The following CPNE1 variants were observed in gnomAD, a reference collection of about 807,000 sequenced individuals.
CPNE1 encodes the protein copine-1.
CPNE1 carries 58 observed loss-of-function variants against 63.2 expected under a neutral mutation model. That is an observed-to-expected ratio of 0.92 (90% confidence interval 0.74 to 1.14). CPNE1 has a LOEUF of 1.14. CPNE1 is among the 50% of genes most tolerant of loss of function. CPNE1 has a pLI of 0.00. For synonymous variants in CPNE1, 237 were observed against 249.0 expected (o/e 0.95, Z 0.45); for missense variants, 672 against 661.7 (o/e 1.02, Z -0.17).
Position 35,630,943 on chromosome 20 carries a change from A to C in CPNE1, c.953T>G (p.Met318Arg), listed in dbSNP as rs774335949. 6.2e-7 allele frequency: 1 copy of C among 1,613,780 alleles called. No homozygotes were observed. The highest frequency in any genetic ancestry group is 1.1e-5 in the South Asian group (1 of 91,056). Residue 318 changes from methionine (M) to arginine (R), a missense_variant, in exon 11 of 16, where the codon ATG becomes AGG. Physicochemically the swap from Met to Arg is moderately conservative, Grantham distance 91. Coordinates refer to ENST00000397443, the MANE Select transcript of CPNE1 (RefSeq NM_152925.3). ...CACGCTGCCCACACTCCACAGTGCC[A>C]TCAGGTACTCATTGACCCCTGTTGG... ...LSPTGVNEYLMALWSVGSVVQ... is the reference protein window; with the variant it reads ...LSPTGVNEYLRALWSVGSVVQ...
chr20:35,638,626 C>T (rs910744697), intron 1 of CPNE1, among the ~76,000 whole-genome samples: 4 of 152,142 alleles, frequency 2.6e-5, no homozygotes, highest in Admixed American at 2.0e-4. Context: ...AGCCCAAGAG[C>T]GATTCCACTC....
chr20:35,652,818 AGGGCCGGGGCCGGGGCCG>A, intron 1 of CPNE1: 1 of 1,602,570 alleles, frequency 6.2e-7, no homozygotes, highest in Non-Finnish European at 8.5e-7. Flanking sequence ...GGATTGGGCC[AGGGCCGGGGCCGGGGCCG>A]GGGCCAGGCC....
chr20:35,634,088 T>C (rs1437104223), intron 1 of CPNE1, among the ~76,000 whole-genome samples: 9 of 150,966 alleles, frequency 6.0e-5, no homozygotes, highest in African/African-American at 2.0e-4. Flanking sequence ...GGTGAGACCC[T>C]GTCTCTACTA....
chr20:35,633,903 G>GCACTTGGCTCACT (rs377134519), intron 1 of CPNE1, among the ~76,000 whole-genome samples: 3 of 147,626 alleles, frequency 2.0e-5, no homozygotes, highest in African/African-American at 7.6e-5. Context: ...AGGTTGCAGT[G>GCACTTGGCTCACT]AGCCGAGACT....
chr20:35,654,563 G>A lies in CPNE1; in HGVS notation c.-1+10197C>T, dbSNP rs1156865880. 44 of 1,614,200 alleles carry A rather than the reference G, an allele frequency of 2.7e-5. No homozygotes were observed. The highest frequency in any genetic ancestry group is 3.5e-5 in the Non-Finnish European group (41 of 1,180,042). On this transcript the variant is annotated intron_variant, in intron 1 of 15. Coordinates refer to ENST00000397443, the MANE Select transcript of CPNE1 (RefSeq NM_152925.3). Reference sequence around the variant, plus strand: ...GAGCCATTCATTCCAGCAGGTAGAGGTGCCACAGGTGGCGGATTCAAGGGC... The same window carrying A: ...GAGCCATTCATTCCAGCAGGTAGAGATGCCACAGGTGGCGGATTCAAGGGC...
chr20:35,652,447 G>A (rs2033586989), intron 1 of CPNE1: 2 of 1,483,250 alleles, frequency 1.3e-6, no homozygotes, highest in Admixed American at 2.2e-5. Flanking sequence ...TTCTAACCTG[G>A]AAATACTAGG....
chr20:35,632,096 C>G, intron 5 of CPNE1, 67 bp downstream of exon 5: 1 of 1,600,018 alleles, frequency 6.2e-7, no homozygotes, highest in Non-Finnish European at 8.6e-7. Context: ...TGTCCACACC[C>G]CCATCCCCCA....
intron 1 of CPNE1, among the ~76,000 whole-genome samples, chr20:35,642,938 T>C (rs2032892891): frequency 6.6e-6 from 1 of 152,206 alleles, no homozygotes; most frequent in Admixed American, 6.5e-5. Flanking sequence ...CACAAGGTTT[T>C]CCACTTTACT....
intron 1 of CPNE1, among the ~76,000 whole-genome samples, chr20:35,642,425 T>C (rs1240429683): frequency 6.6e-6 from 1 of 152,174 alleles, no homozygotes; most frequent in Non-Finnish European, 1.5e-5. Flanking sequence ...TCCTATTGCC[T>C]ACCTTGGCAT....
At chr20:35,646,212 A>G (rs1297403187) in intron 1 of CPNE1, among the ~76,000 whole-genome samples, 1 of 140,224 alleles carries the variant, frequency 7.1e-6, no homozygotes, top group Non-Finnish European at 1.5e-5. Flanking sequence ...AGCTGACTGT[A>G]CCACTGCACT....
chr20:35,654,089 T>G (rs746008379), intron 1 of CPNE1: 1 of 1,614,250 alleles, frequency 6.2e-7, no homozygotes, highest in Non-Finnish European at 8.5e-7. Flanking sequence ...CTGGGCGATT[T>G]TGACCTGGGA....
intron 1 of CPNE1, among the ~76,000 whole-genome samples, chr20:35,637,642 ATTAG>A (rs2032563237): frequency 6.6e-6 from 1 of 152,312 alleles, no homozygotes; most frequent in East Asian, 1.9e-4. Flanking sequence ...ATGTTTCCTC[ATTAG>A]TGTTTCTGCG....
intron 1 of CPNE1, among the ~76,000 whole-genome samples, chr20:35,635,509 T>G (rs1345490663): frequency 2.0e-5 from 3 of 152,110 alleles, no homozygotes; most frequent in Non-Finnish European, 4.4e-5. Flanking sequence ...ACCCCTTCCC[T>G]CTGCTGGGAA....
chr20:35,627,836 T>C (rs1423571807), intron 13 of CPNE1, among the ~76,000 whole-genome samples: 1 of 152,074 alleles, frequency 6.6e-6, no homozygotes, highest in African/African-American at 2.4e-5. Context: ...GCAAGGATCA[T>C]CAATGGATGT....
intron 1 of CPNE1, among the ~76,000 whole-genome samples, chr20:35,635,840 T>C (rs2032457679): frequency 6.6e-6 from 1 of 152,184 alleles, no homozygotes; most frequent in Non-Finnish European, 1.5e-5. Context: ...AATGCTGTTA[T>C]CAAAGTTGGA....
intron 1 of CPNE1, among the ~76,000 whole-genome samples, chr20:35,633,651 T>A (rs1022287219): frequency 1.3e-5 from 2 of 152,152 alleles, no homozygotes; most frequent in African/African-American, 4.8e-5. Flanking sequence ...ATCAGGGCGA[T>A]CCTATTAAAA....
In CPNE1 at chr20:35,631,550, C is replaced by A. The variant is rs1158337749; in HGVS notation, c.656G>T (p.Gly219Val). 6.2e-7 allele frequency: 1 copy of A among 1,614,002 alleles called. No homozygotes were observed. The highest frequency in any genetic ancestry group is 1.3e-5 in the African/African-American group (1 of 74,994). ...GAAGGTACCGATGAGATCATGTGAC[C>A]CGTCACTGTCATAATCGGAGCATTG... ...QVQCSDYDSD[G>V]SHDLIGTFHT... is the part of the protein sequence containing the mutation. The change falls in exon 8 of 16, where the codon GGG (glycine) becomes GTG (valine). Residue 219 changes from glycine to valine, a missense_variant. Coordinates refer to ENST00000397443, the MANE Select transcript of CPNE1 (RefSeq NM_152925.3).
At chr20:35,658,245 G>A (rs1424205877) in intron 1 of CPNE1, among the ~76,000 whole-genome samples, 1 of 152,068 alleles carries the variant, frequency 6.6e-6, no homozygotes, top group East Asian at 1.9e-4. Context: ...TCTAAAACAT[G>A]TGACCCATTA....
At chr20:35,639,091 C>CAAAAAAAAA (rs907971518) in intron 1 of CPNE1, among the ~76,000 whole-genome samples, 1 of 88,714 alleles carries the variant, frequency 1.1e-5, no homozygotes, top group Non-Finnish European at 2.3e-5. Context: ...TAAAATTTTA[C>CAAAAAAAAA]AAAAAAAAAA....
Sources: gnomAD v4.1 joint callset for allele counts (sites outside exome capture counted in the v4.1 genomes callset) on GRCh38, gnomAD v4.1.1 for gene constraint, MANE v1.5 for transcripts, NCBI Gene and HGNC (gene_info 2026-07-23, HGNC 2026-07-21) for gene names.